Variants in ITGB4 observed in about 807,000 individuals in gnomAD.
The protein encoded by ITGB4 is integrin beta-4.
ITGB4 carries 159 observed loss-of-function variants against 207.6 expected under a neutral mutation model. The observed-to-expected ratio is 0.77, with a 90% CI of 0.67 to 0.87. The LOEUF (loss-of-function observed/expected upper bound fraction) is 0.87. Among genes scored for constraint, ITGB4 ranks in the 40% least tolerant of loss-of-function variants. ITGB4 has a pLI of 0.00. For synonymous variants in ITGB4, 1,020 were observed against 1,062.7 expected, an observed-to-expected ratio of 0.96 and a Z score of 0.78; for missense variants, 2,278 against 2,546.8, an observed-to-expected ratio of 0.89 and a Z score of 2.27.
chr17:75,730,526 G>A (rs886077077), intron 8 of ITGB4, 22 bp downstream of exon 8: 20 of 1,612,662 alleles, frequency 1.2e-5, no homozygotes, highest in Non-Finnish European at 1.7e-5. Flanking sequence ...AGGTCCCACG[G>A]GTGGGAGGTG....
At chr17:75,752,407 G>A (rs763110361) in intron 31 of ITGB4, 39 bp from the exon 32 acceptor site, 2 of 1,612,804 alleles carry the variant, frequency 1.2e-6, no homozygotes, top group East Asian at 2.2e-5. Context: ...GGGGCAGGGG[G>A]CAGCAGCCAG....
chr17:75,732,003 G>A lies in ITGB4; in HGVS notation c.1377+30G>A, dbSNP rs772969882. On this transcript the variant is annotated intron_variant, in intron 11 of 39. Coordinates refer to ENST00000200181, the MANE Select transcript of ITGB4 (RefSeq NM_000213.5). This position sits in a 1 kb window ranked among gnomAD's most constrained non-coding sequence, Gnocchi z 5.3. ...AACGCAGCCCCGCAGGGCGGGAGGG[G>A]AGAGCTGAGCCAAGCACCCAGGGAC... 5 of 1,613,856 alleles carry A rather than the reference G, an allele frequency of 3.1e-6. No homozygotes were observed. In the South Asian group the frequency reaches 4.4e-5, roughly 14 times the overall value.
chr17:75,730,407 A>G lies in ITGB4; in HGVS notation c.905A>G (p.Gln302Arg), dbSNP rs1330493251. ...GGCACCTACACCCAGTACAGGACACAGGACTACCCGTCGGTGCCCACCCTG... is the reference window on the plus strand; with the variant it reads ...GGCACCTACACCCAGTACAGGACACGGGACTACCCGTCGGTGCCCACCCTG... ...TTGTYTQYRT[Q>R]DYPSVPTLVR... is the part of the protein sequence containing the mutation. Residue 302 changes from glutamine to arginine, a missense_variant, in exon 8 of 40, where the codon CAG becomes CGG. Transcript: ENST00000200181. The G allele has an allele frequency of 1.2e-6, 2 of 1,614,050 alleles. No homozygotes were observed. Among genetic ancestry groups the G allele is most frequent in the Admixed American group, 1.7e-5 (1 of 60,024 alleles).
chr17:75,740,209 G>A lies in ITGB4; in HGVS notation c.2446+138G>A. On this transcript the variant is annotated intron_variant, in intron 20 of 39. Transcript: ENST00000200181. This position sits in a 1 kb window ranked among gnomAD's most constrained non-coding sequence, Gnocchi z 5.9. The stretch of plus-strand genomic sequence containing the variant: ...CAGCCACCTTTTGCCCTGTGCTGAT[G>A]GTGCTATGAACCTCATGCCTCGGTG... The A allele has an allele frequency of 8.2e-7, 1 of 1,214,356 alleles. No homozygotes were observed. The highest frequency in any genetic ancestry group is 1.2e-6 in the Non-Finnish European group (1 of 855,760). 75.2% of individuals were successfully genotyped at this position (1,214,356 alleles called of 1,614,324 possible).
At position 75,748,903 on chromosome 17, in the gene ITGB4, G is replaced by C; in HGVS notation, c.3174G>C (p.Gln1058His). 2.5e-6 allele frequency: 4 copies of C among 1,613,304 alleles called. No individual in the cohort carries two copies. Among genetic ancestry groups the C allele is most frequent in the Non-Finnish European group, 3.4e-6 (4 of 1,179,944 alleles). Reference sequence around the variant, plus strand: ...CTGGGGAGGCCTGGAAAGAGCTGCAGGTGAAGCTCCTGGAGCTGCAAGAAG... The same window carrying C: ...CTGGGGAGGCCTGGAAAGAGCTGCACGTGAAGCTCCTGGAGCTGCAAGAAG... ...FQPGEAWKELQVKLLELQEVD... is the reference protein window; with the variant it reads ...FQPGEAWKELHVKLLELQEVD... Residue 1058 changes from glutamine to histidine, a missense_variant, in exon 27 of 40, where the codon CAG becomes CAC. Transcript: ENST00000200181.
At chr17:75,728,713 G>A (rs1277944894) in intron 6 of ITGB4, among the ~76,000 whole-genome samples, 3 of 152,092 alleles carry the variant, frequency 2.0e-5, no homozygotes, top group South Asian at 2.1e-4. Context: ...GGCTGGGCGC[G>A]GTGGTTCACG....
rs1599223645 is a variant in ITGB4 at position 75,729,126 on chromosome 17, A to C, written c.567-139A>C. The stretch of plus-strand genomic sequence containing the variant: ...TGAGCCAAGATCGTGCATACCGCAC[A>C]CCAGCCTGGGTGATAAAGCGAGACT... On this transcript the variant is annotated intron_variant, in intron 6 of 39. Transcript: ENST00000200181. The surrounding 1 kb of genome is among the most constrained non-coding windows in gnomAD (Gnocchi z 4.4). 19 of 728,452 alleles carry C rather than the reference A, an allele frequency of 2.6e-5. No individual in the cohort carries two copies. The highest frequency in any genetic ancestry group is 3.0e-5 in the Non-Finnish European group (14 of 459,526). 45.1% of individuals were successfully genotyped at this position (728,452 alleles called of 1,614,324 possible). A position where few individuals can be genotyped will look rare whatever the true frequency, so the allele number is the denominator to read the frequency against.
chr17:75,738,583 G>C (rs2061034972), intron 18 of ITGB4, among the ~76,000 whole-genome samples: 1 of 152,256 alleles, frequency 6.6e-6, no homozygotes. Flanking sequence ...TCAGTGGCCA[G>C]ATCCCTGAGA....
rs1453010120 is a variant in ITGB4, at chr17:75,724,771, C to T, written c.68C>T (p.Ser23Phe). The T allele has an allele frequency of 3.1e-6, 5 of 1,613,558 alleles. No individual in the cohort carries two copies. The Admixed American group carries it at 8.3e-5, about 27-fold the overall frequency. Residue 23 changes from serine to phenylalanine, a missense_variant, in exon 2 of 40, where the codon TCT (serine) becomes TTT (phenylalanine). Physicochemically the swap from Ser to Phe is radical, Grantham distance 155. Coordinates refer to ENST00000200181, the MANE Select transcript of ITGB4 (RefSeq NM_000213.5). ...LLAALISVSL[S>F]GTLANRCKKA... ...GCAGCCTTGATCAGCGTCAGCCTCT[C>T]TGGGACCTTGGGTGAGTCCACGTTG...
intron 16 of ITGB4, among the ~76,000 whole-genome samples, chr17:75,737,001 A>G (rs1224694113): frequency 1.3e-5 from 2 of 152,190 alleles, no homozygotes; most frequent in African/African-American, 2.4e-5. Context: ...GCAGGGGTAC[A>G]TGGTCACGCT....
intron 25 of ITGB4, 44 bp from the exon 26 acceptor site, chr17:75,743,669 G>C (rs367812301): frequency 1.9e-6 from 3 of 1,613,176 alleles, no homozygotes; most frequent in Non-Finnish European, 8.5e-7. Flanking sequence ...GGTGGGAAGG[G>C]ACTGGGCCCA....
chr17:75,754,554 G>C (rs1262999005), intron 33 of ITGB4, 22 bp from the exon 34 acceptor site: 2 of 1,613,142 alleles, frequency 1.2e-6, no homozygotes, highest in Non-Finnish European at 1.7e-6. Context: ...CCTGACCAAG[G>C]GACCCTGCTC....
In ITGB4 at chr17:75,732,270, A is replaced by G. The variant is rs769930911; in HGVS notation, c.1454+31A>G. On this transcript the variant is annotated intron_variant, in intron 12 of 39. Transcript: ENST00000200181. The surrounding 1 kb of genome is among the most constrained non-coding windows in gnomAD (Gnocchi z 5.3). ...TGGGGAAGGGAGTTGGGCACCCAGG[A>G]CACCAGTGGCCCCTGATGGGAAAGC... is the stretch of plus-strand genomic sequence containing the variant. 6.2e-7 allele frequency: 1 copy of G among 1,602,326 alleles called. No homozygotes were observed. The highest frequency in any genetic ancestry group is 1.7e-5 in the Admixed American group (1 of 60,004).
In ITGB4 at chr17:75,731,382, G is replaced by A. The variant is rs1337335494; in HGVS notation, c.1215+14G>A. The A allele has an allele frequency of 6.2e-7, 1 of 1,606,634 alleles. No homozygotes were observed. The highest frequency in any genetic ancestry group is 8.5e-7 in the Non-Finnish European group (1 of 1,175,912). ...CGGGGGGAAGTGGTACGCCTCTGTGGGGGCAGCGGGGTGGGGGATAGGCAC... is the reference window on the plus strand; with the variant it reads ...CGGGGGGAAGTGGTACGCCTCTGTGAGGGCAGCGGGGTGGGGGATAGGCAC... On this transcript the variant is annotated intron_variant, in intron 10 of 39. Transcript: ENST00000200181. This position sits in a 1 kb window ranked among gnomAD's most constrained non-coding sequence, Gnocchi z 6.8.
Position 75,750,185 on chromosome 17 carries a change from C to A in ITGB4, c.3391C>A (p.Gln1131Lys), listed in dbSNP as rs371248151. Residue 1131 changes from glutamine to lysine, a missense_variant, in exon 28 of 40, where the codon CAG (glutamine) becomes AAG (lysine). Transcript: ENST00000200181. The surrounding 1 kb of genome is among the most constrained non-coding windows in gnomAD (Gnocchi z 5.5). Reference protein sequence around the residue: ...PPPHGDLGAPQNPNAKAAGSR... With the variant: ...PPPHGDLGAPKNPNAKAAGSR... ...CCCTCACGGCGACCTGGGCGCCCCG[C>A]AGAACCCCAATGCTAAGGCCGCTGG... The A allele has an allele frequency of 6.2e-7, 1 of 1,613,794 alleles. No individual in the cohort carries two copies. The highest frequency in any genetic ancestry group is 8.5e-7 in the Non-Finnish European group (1 of 1,180,040).
rs183705877 is a variant in ITGB4, at chr17:75,740,414, C to A, written c.2503C>A (p.Pro835Thr). 121 of 1,613,794 alleles carry A rather than the reference C, an allele frequency of 7.5e-5. 1 individual carries two copies. In the Admixed American group the frequency reaches 2.0e-3, roughly 27 times the overall value. Residue 835 changes from proline to threonine, a missense_variant, in exon 21 of 40, where the codon CCT becomes ACT. Physicochemically the swap from Pro to Thr is conservative, Grantham distance 38 (BLOSUM62 -1). Coordinates refer to ENST00000200181, the MANE Select transcript of ITGB4 (RefSeq NM_000213.5). The surrounding 1 kb of genome is among the most constrained non-coding windows in gnomAD (Gnocchi z 5.9). The part of the protein sequence containing the change: ...ARLCTENLLK[P>T]DTRECAQLRQ... The stretch of plus-strand genomic sequence containing the variant: ...CCTTTGCACCGAGAACCTGCTGAAG[C>A]CTGACACTCGGGAGTGCGCCCAGCT...
rs1017152186 is a variant in ITGB4, at chr17:75,730,439, C to T, written c.937C>T (p.Leu313=). 3.7e-6 allele frequency: 6 copies of T among 1,614,012 alleles called. No homozygotes were observed. Among genetic ancestry groups the T allele is most frequent in the Admixed American group, 1.7e-5 (1 of 60,010 alleles). The part of the protein sequence containing the change: ...DYPSVPTLVR[L]LAKHNIIPIF... Reference sequence around the variant, plus strand: ...CCCGTCGGTGCCCACCCTGGTGCGCCTGCTCGCCAAGCACAACATCATCCC... The same window carrying T: ...CCCGTCGGTGCCCACCCTGGTGCGCTTGCTCGCCAAGCACAACATCATCCC... Residue 313 remains leucine (L), a synonymous_variant, in exon 8 of 40, where the codon CTG becomes TTG. Transcript: ENST00000200181.
Position 75,731,967 on chromosome 17 carries a change from C to T in ITGB4, c.1371C>T (p.Cys457=), listed in dbSNP as rs930708845. Residue 457 remains cysteine, a synonymous_variant, in exon 11 of 40, where the codon TGC becomes TGT. Transcript: ENST00000200181. The surrounding 1 kb of genome is among the most constrained non-coding windows in gnomAD (Gnocchi z 6.8). ...DAGIICDVCT[C]ELQKEVRSAR... Reference sequence around the variant, plus strand: ...GCATCATCTGTGATGTGTGCACCTGCGAGCTGGTACAACGCAGCCCCGCAG... The same window carrying T: ...GCATCATCTGTGATGTGTGCACCTGTGAGCTGGTACAACGCAGCCCCGCAG... The T allele has an allele frequency of 3.1e-6, 5 of 1,614,018 alleles. No individual in the cohort carries two copies. The highest frequency in any genetic ancestry group is 4.2e-6 in the Non-Finnish European group (5 of 1,180,040).
At chr17:75,741,785 G>A (rs1300951024) in intron 23 of ITGB4, among the ~76,000 whole-genome samples, 3 of 151,222 alleles carry the variant, frequency 2.0e-5, no homozygotes, top group South Asian at 2.1e-4. Context: ...CAGCCTGGGC[G>A]ACTGAGTGAG....
Sources: gnomAD v4.1 joint callset for allele counts (sites outside exome capture counted in the v4.1 genomes callset) on GRCh38, gnomAD v4.1.1 for gene constraint, Gnocchi (gnomAD v3.1) non-coding constraint, MANE v1.5 for transcripts, NCBI Gene and HGNC (gene_info 2026-07-23, HGNC 2026-07-21) for gene names.